Variants in FANCA observed in about 807,000 individuals in gnomAD.
FANCA encodes the protein FA complementation group A.
A neutral mutation model predicts 194.3 loss-of-function variants in FANCA; 236 were observed. That is an observed-to-expected ratio of 1.21 (90% CI 1.09 to 1.35). The LOEUF is 1.35. Ranked by LOEUF, FANCA falls within the 40% of genes most tolerant of loss-of-function variation. The probability of loss-of-function intolerance (pLI) is 0.00; values close to 1 mark genes in which losing one functional copy is unlikely to be tolerated. For synonymous variants in FANCA, 1,014 were observed against 715.8 expected (o/e 1.42, Z -6.65); for missense variants, 2,628 against 1,813.9 (o/e 1.45, Z -8.15).
intron 11 of FANCA, among the ~76,000 whole-genome samples, chr16:89,794,271 G>T (rs2040170308): frequency 6.6e-6 from 1 of 152,006 alleles, no homozygotes; most frequent in African/African-American, 2.4e-5. Context: ...TGTCAGTAAG[G>T]TCAGGCTAGG....
intron 22 of FANCA, 53 bp from the exon 23 acceptor site, chr16:89,771,867 C>T (rs2143352466): frequency 1.7e-5 from 28 of 1,607,672 alleles, no homozygotes; most frequent in Non-Finnish European, 2.4e-5. Flanking sequence ...AGGAGGGATA[C>T]AGCTGCGGCC....
chr16:89,744,516 C>A (rs1174365484), intron 36 of FANCA, among the ~76,000 whole-genome samples: 1 of 152,102 alleles, frequency 6.6e-6, no homozygotes, highest in Non-Finnish European at 1.5e-5. Flanking sequence ...CCCCATGACA[C>A]TGACCCTACC....
chr16:89,811,465 T>C (rs1023928802), intron 3 of FANCA, among the ~76,000 whole-genome samples: 4 of 152,234 alleles, frequency 2.6e-5, no homozygotes, highest in Non-Finnish European at 4.4e-5. Context: ...AGCCTGCCCC[T>C]GTTGACTCAC....
At chr16:89,782,783 C>G in intron 17 of FANCA, 76 bp downstream of exon 17, 1 of 1,353,884 alleles carries the variant, frequency 7.4e-7, no homozygotes, top group East Asian at 2.3e-5. Context: ...AAACTCAACT[C>G]AAGAGTCAAA....
At chr16:89,805,238 A>C in intron 7 of FANCA, 42 bp downstream of exon 7, 1 of 1,482,694 alleles carries the variant, frequency 6.7e-7, no homozygotes, top group South Asian at 1.1e-5. Context: ...CACAGATCAA[A>C]ATGAGTTTTA....
intron 10 of FANCA, 151 bp from the exon 11 acceptor site, chr16:89,796,169 C>G (rs561569056): frequency 1.4e-6 from 1 of 700,826 alleles, no homozygotes; most frequent in African/African-American, 1.7e-5. Flanking sequence ...AGACTTGAAA[C>G]TGAATCCAAG....
intron 10 of FANCA, among the ~76,000 whole-genome samples, 200 bp from the exon 11 acceptor site, chr16:89,796,218 C>A (rs770117244): frequency 6.6e-6 from 1 of 151,984 alleles, no homozygotes; most frequent in Non-Finnish European, 1.5e-5. Flanking sequence ...AAGGCAACGG[C>A]GAAACCCACG....
intron 11 of FANCA, among the ~76,000 whole-genome samples, chr16:89,792,912 G>C (rs1422225886): frequency 6.6e-6 from 1 of 152,200 alleles, no homozygotes. Flanking sequence ...AGAGGAGATA[G>C]AGACAAAGAC....
intron 29 of FANCA, 75 bp downstream of exon 29, chr16:89,761,874 C>T (rs1342633023): frequency 4.1e-6 from 5 of 1,207,666 alleles, no homozygotes; most frequent in Admixed American, 1.7e-5. Flanking sequence ...GATCTCCTGC[C>T]TCAGCCTCCC....
Position 89,779,977 on chromosome 16 carries a change from G to A in FANCA, c.1627-20C>T. 1 of 1,608,916 alleles carries A rather than the reference G, an allele frequency of 6.2e-7. No homozygotes were observed. The highest frequency in any genetic ancestry group is 8.5e-7 in the Non-Finnish European group (1 of 1,175,224). Reference sequence around the variant, plus strand: ...GTGGGGCTGGTTCCCATACAGGGAGGAAAGGAAAAAGAACAGAGGACTTTA... The same window carrying A: ...GTGGGGCTGGTTCCCATACAGGGAGAAAAGGAAAAAGAACAGAGGACTTTA... On this transcript the variant is annotated intron_variant, in intron 17 of 42. Transcript: ENST00000389301.
At chr16:89,796,051 G>C (rs779733351) in intron 10 of FANCA, 33 bp from the exon 11 acceptor site, 6 of 1,551,130 alleles carry the variant, frequency 3.9e-6, no homozygotes, top group East Asian at 4.5e-5. Flanking sequence ...GGTCAGGAAA[G>C]GGAGGGTGCC....
In FANCA at chr16:89,808,282, T is replaced by C. The variant is rs377151927; in HGVS notation, c.596+12A>G. On this transcript the variant is annotated intron_variant, in intron 6 of 42. Coordinates refer to ENST00000389301, the MANE Select transcript of FANCA (RefSeq NM_000135.4). ...CAAAAACAGTAACACTGAATCATCATTAGCACGCTACCTTTCCAGCAGCTC... is the reference window on the plus strand; with the variant it reads ...CAAAAACAGTAACACTGAATCATCACTAGCACGCTACCTTTCCAGCAGCTC... 28 of 1,613,072 alleles carry C rather than the reference T, an allele frequency of 1.7e-5. No individual in the cohort carries two copies. The highest frequency in any genetic ancestry group is 2.2e-5 in the Non-Finnish European group (26 of 1,179,140).
intron 29 of FANCA, among the ~76,000 whole-genome samples, chr16:89,759,751 A>G (rs1473348060): frequency 6.6e-6 from 1 of 152,184 alleles, no homozygotes; most frequent in Non-Finnish European, 1.5e-5. Flanking sequence ...ACAGAGTGAG[A>G]CCCTGTCTCA....
At position 89,799,623 on chromosome 16, in the gene FANCA, G is replaced by A. The variant is rs745531212; in HGVS notation, c.808C>T (p.Leu270=). The A allele has an allele frequency of 1.2e-6, 2 of 1,613,650 alleles. No individual in the cohort carries two copies. Among genetic ancestry groups the A allele is most frequent in the Non-Finnish European group, 1.7e-6 (2 of 1,179,526 alleles). Reference sequence around the variant, plus strand: ...AACTTACAAATCAGCATTCTCTGCAGTACATCAACCGTGACCTGTCAAAAT... The same window carrying A: ...AACTTACAAATCAGCATTCTCTGCAATACATCAACCGTGACCTGTCAAAAT... ...EKMPQVTVDV[L]QRMLIFALDA... Residue 270 remains leucine (L), a synonymous_variant, in exon 9 of 43, where the codon CTG becomes TTG. Transcript: ENST00000389301.
chr16:89,788,271 G>T (rs756782976), intron 14 of FANCA, among the ~76,000 whole-genome samples: 37 of 151,938 alleles, frequency 2.4e-4, no homozygotes, highest in Non-Finnish European at 5.0e-4. Flanking sequence ...GACCATCCTG[G>T]CCAACATGGT....
intron 36 of FANCA, among the ~76,000 whole-genome samples, chr16:89,743,537 A>G (rs1472148619): frequency 6.6e-6 from 1 of 152,064 alleles, no homozygotes; most frequent in Non-Finnish European, 1.5e-5. Flanking sequence ...AATAAACAAA[A>G]ACGAGGCAGG....
chr16:89,768,806 C>T (rs1388346931), intron 26 of FANCA, among the ~76,000 whole-genome samples: 1 of 152,196 alleles, frequency 6.6e-6, no homozygotes, highest in Non-Finnish European at 1.5e-5. Flanking sequence ...TGAGGCATCT[C>T]TGTGTTTCTA....
chr16:89,770,649 T>C lies in FANCA; in HGVS notation c.2152-15A>G, dbSNP rs1483106352. The C allele has an allele frequency of 1.9e-6, 3 of 1,598,176 alleles. No homozygotes were observed. Among genetic ancestry groups the C allele is most frequent in the Middle Eastern group, 1.7e-4 (1 of 6,046 alleles). Reference sequence around the variant, plus strand: ...AGGTCCACAGCCTGCAGAGACACAGTTCTCATGAGCGTGGTGTCCTGGGGA... The same window carrying C: ...AGGTCCACAGCCTGCAGAGACACAGCTCTCATGAGCGTGGTGTCCTGGGGA... On this transcript the variant is annotated splice_polypyrimidine_tract_variant and intron_variant, in intron 23 of 42. Transcript: ENST00000389301.
intron 28 of FANCA, chr16:89,762,714 ACT>A (rs1231975798): frequency 1.6e-5 from 7 of 445,782 alleles, no homozygotes; most frequent in Non-Finnish European, 3.2e-5. Context: ...CTCGCTGCAG[ACT>A]CTGCCTCCTG....
Sources: gnomAD v4.1 joint callset for allele counts (sites outside exome capture counted in the v4.1 genomes callset) on GRCh38, gnomAD v4.1.1 for gene constraint, MANE v1.5 for transcripts, NCBI Gene and HGNC (gene_info 2026-07-23, HGNC 2026-07-21) for gene names.